Variants in SLC8A1 observed in about 807,000 individuals in gnomAD.
SLC8A1 encodes the protein sodium/calcium exchanger 1.
A neutral mutation model predicts 68.3 loss-of-function variants in SLC8A1; 18 were observed. The observed-to-expected ratio is 0.26, with a 90% CI of 0.18 to 0.39. SLC8A1 has a LOEUF of 0.39. Among genes scored for constraint, SLC8A1 ranks in the 10% least tolerant of loss-of-function variants. The probability of loss-of-function intolerance (pLI) is 1.00; values close to 1 mark genes in which losing one functional copy is unlikely to be tolerated. For missense variants in SLC8A1, 985 were observed against 1,156.7 expected, an observed-to-expected ratio of 0.85 and a Z score of 2.15; for synonymous variants, 475 against 415.5, an observed-to-expected ratio of 1.14 and a Z score of -1.74.
intron 2 of SLC8A1, among the ~76,000 whole-genome samples, chr2:40,330,227 C>T (rs1008931073): frequency 2.6e-5 from 4 of 152,032 alleles, no homozygotes; most frequent in Non-Finnish European, 5.9e-5. Flanking sequence ...ATAGTAGAGG[C>T]AGGATGATAG....
At chr2:40,174,935 G>A (rs781021949) in intron 3 of SLC8A1, 93 bp from the exon 5 acceptor site, 43 of 1,153,094 alleles carry the variant, frequency 3.7e-5, no homozygotes, top group Non-Finnish European at 5.2e-5. Flanking sequence ...CCCACCCAAG[G>A]TACTTGCCAA....
At chr2:40,160,074 C>T (rs1421133247) in intron 6 of SLC8A1, among the ~76,000 whole-genome samples, 1 of 152,104 alleles carries the variant, frequency 6.6e-6, no homozygotes, top group African/African-American at 2.4e-5. Context: ...GGGTTGCTTT[C>T]ATGAATCTTT....
At chr2:40,203,114 G>T (rs1033879570) in intron 2 of SLC8A1, among the ~76,000 whole-genome samples, 1 of 151,904 alleles carries the variant, frequency 6.6e-6, no homozygotes, top group African/African-American at 2.4e-5. Flanking sequence ...ACTTTTGACA[G>T]ACTTTCCCTA....
chr2:40,238,063 T>C (rs2060652956), intron 2 of SLC8A1, among the ~76,000 whole-genome samples: 1 of 152,216 alleles, frequency 6.6e-6, no homozygotes, highest in Admixed American at 6.5e-5. Context: ...TTTTTGTTTG[T>C]CTGTGCCCTG....
intron 2 of SLC8A1, among the ~76,000 whole-genome samples, chr2:40,252,927 A>ATGTG (rs1558965209): frequency 1.5e-4 from 18 of 119,580 alleles, no homozygotes; most frequent in South Asian, 2.3e-4. Flanking sequence ...ATATACATAC[A>ATGTG]TGTATATGTA....
At chr2:40,367,631 A>G (rs1156538061) in intron 2 of SLC8A1, among the ~76,000 whole-genome samples, 1 of 152,016 alleles carries the variant, frequency 6.6e-6, no homozygotes, top group Non-Finnish European at 1.5e-5. Flanking sequence ...CTCCGCCATA[A>G]TTGTTCGCCA....
chr2:40,121,949 C>T (rs2036926287), intron 7 of SLC8A1, among the ~76,000 whole-genome samples: 1 of 152,058 alleles, frequency 6.6e-6, no homozygotes, highest in Non-Finnish European at 1.5e-5. Flanking sequence ...TGGTTTAGAG[C>T]CCAAATCTTA....
chr2:40,342,175 C>A (rs1442955848), intron 2 of SLC8A1, among the ~76,000 whole-genome samples: 1 of 151,920 alleles, frequency 6.6e-6, no homozygotes. Flanking sequence ...AAAAGATAAC[C>A]CCAAGGGTTT....
intron 2 of SLC8A1, among the ~76,000 whole-genome samples, chr2:40,326,184 A>C (rs764499590): frequency 3.0e-4 from 46 of 152,220 alleles, no homozygotes; most frequent in African/African-American, 9.1e-4. Flanking sequence ...TCGAACTCAG[A>C]GCTAGGGACC....
chr2:40,248,083 T>C (rs1350579962), intron 2 of SLC8A1, among the ~76,000 whole-genome samples: 1 of 152,210 alleles, frequency 6.6e-6, no homozygotes, highest in Non-Finnish European at 1.5e-5. Flanking sequence ...AAAAATTGTT[T>C]ATGGATTTTT....
At chr2:40,495,331 C>G (rs949567213) in intron 1 of SLC8A1, among the ~76,000 whole-genome samples, 4 of 151,982 alleles carry the variant, frequency 2.6e-5, no homozygotes, top group African/African-American at 9.7e-5. Context: ...TTATTAATCT[C>G]TCTATGCCTG....
At chr2:40,259,377 T>TA (rs2064380278) in intron 2 of SLC8A1, among the ~76,000 whole-genome samples, 1 of 152,232 alleles carries the variant, frequency 6.6e-6, no homozygotes, top group Admixed American at 6.5e-5. Flanking sequence ...TCCTACCCTC[T>TA]AGATATTGCC....
chr2:40,177,903 C>T (rs1443418842), intron 2 of SLC8A1: 2 of 1,240,890 alleles, frequency 1.6e-6, no homozygotes, highest in East Asian at 2.5e-5. Context: ...GAGTCACACG[C>T]TCATGCTCTT....
At chr2:40,445,726 A>T (rs1361729542) in intron 1 of SLC8A1, among the ~76,000 whole-genome samples, 1 of 152,234 alleles carries the variant, frequency 6.6e-6, no homozygotes, top group East Asian at 1.9e-4. Context: ...AAAGGCAGAC[A>T]GGGAGGAGTC....
chr2:40,105,190 C>A (rs2034119167), exon 8 of SLC8A1: 1 of 152,150 alleles, frequency 6.6e-6, no homozygotes, highest in Admixed American at 6.5e-5. Context: ...CCACTGGGAA[C>A]CATGATAGAT....
intron 2 of SLC8A1, among the ~76,000 whole-genome samples, chr2:40,413,638 A>C (rs571124237): frequency 6.6e-6 from 1 of 152,282 alleles, no homozygotes; most frequent in Admixed American, 6.5e-5. Flanking sequence ...TGCAAGTGAA[A>C]ACATTCATGT....
chr2:40,432,087 G>T (rs573500627), intron 1 of SLC8A1, among the ~76,000 whole-genome samples: 1 of 152,060 alleles, frequency 6.6e-6, no homozygotes, highest in Non-Finnish European at 1.5e-5. Context: ...GTCTTTGAAA[G>T]GCTTTGAGAT....
At chr2:40,233,548 C>T (rs1237803803) in intron 2 of SLC8A1, among the ~76,000 whole-genome samples, 1 of 138,254 alleles carries the variant, frequency 7.2e-6, no homozygotes, top group Non-Finnish European at 1.6e-5. Context: ...CTGTAGGTTG[C>T]CTGTTCTCTC....
chr2:40,500,841 G>T (rs1339604437), intron 1 of SLC8A1, among the ~76,000 whole-genome samples: 1 of 82,626 alleles, frequency 1.2e-5, no homozygotes, highest in African/African-American at 4.7e-5. Context: ...TGCCTCTCTA[G>T]TGTCTATCCT....
Sources: allele counts gnomAD v4.1 joint callset (sites outside exome capture counted in the v4.1 genomes callset), GRCh38; gene constraint gnomAD v4.1.1; transcripts MANE v1.5; gene names NCBI Gene and HGNC (gene_info 2026-07-23, HGNC 2026-07-21).